Variants in DTNB observed in about 807,000 individuals in gnomAD.
The protein encoded by DTNB is DTN-B.
DTNB carries 63 observed loss-of-function variants against 90.7 expected under a neutral mutation model. The observed-to-expected ratio is 0.69, with a 90% CI of 0.57 to 0.86. DTNB has a LOEUF of 0.86. Ranked by LOEUF, DTNB falls within the 40% of genes least tolerant of loss-of-function variation. The pLI is 0.00. For missense variants in DTNB, 744 were observed against 807.1 expected, an observed-to-expected ratio of 0.92 and a Z score of 0.95; for synonymous variants, 277 against 286.7, an observed-to-expected ratio of 0.97 and a Z score of 0.34.
At chr2:25,552,644 A>G (rs2056504992) in intron 8 of DTNB, among the ~76,000 whole-genome samples, 2 of 152,128 alleles carry the variant, frequency 1.3e-5, no homozygotes, top group African/African-American at 2.4e-5. Context: ...GATTCTTCAG[A>G]GCCTGAGGCC....
rs746352703 is a variant in DTNB, at chr2:25,388,232, C to A, written c.1705G>T (p.Gly569Trp). 12 of 1,593,838 alleles carry A rather than the reference C, an allele frequency of 7.5e-6. No individual in the cohort carries two copies. The Admixed American group carries it at 1.1e-4, about 14-fold the overall frequency. Residue 569 changes from glycine (G) to tryptophan (W), a missense_variant, in exon 17 of 21, where the codon GGG becomes TGG. Transcript: ENST00000406818. ...GCGAAGGCCTCCTGCACGTCTCCCC[C>A]GACTCCGCTCAGCGAGTCCTGCGGA... is the stretch of plus-strand genomic sequence containing the variant. Reference protein sequence around the residue: ...HCPQDSLSGVGGDVQEAFAQG... With the variant: ...HCPQDSLSGVWGDVQEAFAQG...
At chr2:25,565,919 G>A (rs1559051595) in intron 8 of DTNB, among the ~76,000 whole-genome samples, 1 of 152,086 alleles carries the variant, frequency 6.6e-6, no homozygotes, top group Non-Finnish European at 1.5e-5. Context: ...ACTAGTGTAG[G>A]CAGAATTCTG....
At chr2:25,385,871 G>A (rs1248308503) in intron 18 of DTNB, among the ~76,000 whole-genome samples, 9 of 152,148 alleles carry the variant, frequency 5.9e-5, no homozygotes, top group Non-Finnish European at 1.2e-4. Flanking sequence ...CACGATGAAC[G>A]CAGAAGCCAC....
rs79118842 is a variant in DTNB, at chr2:25,627,002, G to T, written c.362+1169C>A. Among the ~76,000 whole-genome samples, 1,070 of 152,278 alleles carry T rather than the reference G, an allele frequency of 7.0e-3. 12 individuals are homozygous for T. The highest frequency in any genetic ancestry group is 0.025 in the African/African-American group (1,034 of 41,536). On this transcript the variant is annotated intron_variant, in intron 4 of 20. Transcript: ENST00000406818. ...TCAATTCTCTACGAATATAAGTGCA[G>T]CAAATCATTTCCGTTTTAATTGGAG...
chr2:25,410,472 G>A (rs558138783), intron 16 of DTNB, among the ~76,000 whole-genome samples: 3 of 152,220 alleles, frequency 2.0e-5, no homozygotes, highest in Non-Finnish European at 4.4e-5. Context: ...AGGACCATCT[G>A]GAAATGAACC....
At chr2:25,629,210 C>A (rs1287392235) in intron 3 of DTNB, among the ~76,000 whole-genome samples, 1 of 152,084 alleles carries the variant, frequency 6.6e-6, no homozygotes, top group East Asian at 1.9e-4. Context: ...AAACCACCAA[C>A]AAAATTCTAC....
At chr2:25,605,776 TTTTC>T (rs561172001) in intron 5 of DTNB, among the ~76,000 whole-genome samples, 113 of 152,306 alleles carry the variant, frequency 7.4e-4, no homozygotes, top group Non-Finnish European at 1.4e-3. Context: ...AGACTACAAC[TTTTC>T]TTTGTGTTTG....
At chr2:25,532,321 G>A (rs1302465684) in intron 8 of DTNB, among the ~76,000 whole-genome samples, 1 of 151,022 alleles carries the variant, frequency 6.6e-6, no homozygotes, top group Non-Finnish European at 1.5e-5. Context: ...GCTTATGGAT[G>A]TTAGCAAATT....
chr2:25,465,909 G>T (rs939394589), intron 10 of DTNB, among the ~76,000 whole-genome samples: 4 of 152,176 alleles, frequency 2.6e-5, no homozygotes, highest in African/African-American at 9.7e-5. Flanking sequence ...CTACATAAAA[G>T]CAGAGACCTA....
intron 7 of DTNB, among the ~76,000 whole-genome samples, chr2:25,580,323 TCAGCCTGGC>T (rs1033317192): frequency 2.6e-5 from 4 of 151,822 alleles, no homozygotes; most frequent in Non-Finnish European, 4.4e-5. Context: ...CTCTGCGAGA[TCAGCCTGGC>T]CAGCATAGTG....
intron 15 of DTNB, among the ~76,000 whole-genome samples, chr2:25,427,227 CTT>C (rs1172049558): frequency 5.1e-5 from 6 of 116,618 alleles, no homozygotes; most frequent in South Asian, 2.6e-4. Context: ...ACACACACTA[CTT>C]TAAGTAGTTG....
At position 25,413,270 on chromosome 2, in the gene DTNB, C is replaced by CT. The variant is rs35325785; in HGVS notation, c.1575+6244dup. ...TTTGCTTTCTTGGGAAATCAGACAC[C>CT]TTTTTTTTTTAATACTTTAAGTTCT... On this transcript the variant is annotated intron_variant, in intron 16 of 20. Coordinates refer to ENST00000406818, the MANE Select transcript of DTNB (RefSeq NM_021907.5). Among the ~76,000 whole-genome samples, 69 of 148,014 alleles carry CT rather than the reference C, an allele frequency of 4.7e-4. 1 individual carries two copies. Among genetic ancestry groups the CT allele is most frequent in the African/African-American group, 8.7e-4 (35 of 40,196 alleles).
chr2:25,600,920 T>C lies in DTNB; in HGVS notation c.449-4680A>G, dbSNP rs73922443. 1.7e-3 allele frequency among the ~76,000 whole-genome samples: 256 copies of C among 152,328 alleles called. 1 individual carries two copies. The highest frequency in any genetic ancestry group is 6.0e-3 in the African/African-American group (248 of 41,570). On this transcript the variant is annotated intron_variant, in intron 5 of 20. Coordinates refer to ENST00000406818, the MANE Select transcript of DTNB (RefSeq NM_021907.5). Reference sequence around the variant, plus strand: ...ATAAGAAACTATAACAGGCCTATATTACAATAAGAGAAGTGGAAACATGTC... The same window carrying C: ...ATAAGAAACTATAACAGGCCTATATCACAATAAGAGAAGTGGAAACATGTC...
chr2:25,568,940 T>A (rs1182011467), intron 8 of DTNB, among the ~76,000 whole-genome samples: 1 of 152,238 alleles, frequency 6.6e-6, no homozygotes, highest in African/African-American at 2.4e-5. Flanking sequence ...GCCTCGGCCA[T>A]GCTCTCCTGG....
At chr2:25,668,406 T>C (rs2085013369) in intron 1 of DTNB, among the ~76,000 whole-genome samples, 1 of 152,230 alleles carries the variant, frequency 6.6e-6, no homozygotes, top group Non-Finnish European at 1.5e-5. Flanking sequence ...ACTATAGCCA[T>C]GTAATGACAT....
intron 3 of DTNB, among the ~76,000 whole-genome samples, chr2:25,637,662 C>T (rs1316295974): frequency 6.6e-6 from 1 of 152,184 alleles, no homozygotes; most frequent in East Asian, 1.9e-4. Flanking sequence ...CAATGAGATA[C>T]CATCTCATGC....
rs149872344 is a variant in DTNB, at chr2:25,449,047, C to G, written c.1257+2501G>C. On this transcript the variant is annotated intron_variant, in intron 12 of 20. Transcript: ENST00000406818. ...TTAGGAGTTGATGATTAACTTATGGCAAAGGATAAGTTAGTTTGCCTATTC... is the reference window on the plus strand; with the variant it reads ...TTAGGAGTTGATGATTAACTTATGGGAAAGGATAAGTTAGTTTGCCTATTC... 7.3e-3 allele frequency among the ~76,000 whole-genome samples: 1,117 copies of G among 152,122 alleles called. 7 individuals carry two copies. The highest frequency in any genetic ancestry group is 0.017 in the Middle Eastern group (5 of 294).
At chr2:25,593,740 C>T (rs2064013546) in intron 6 of DTNB, among the ~76,000 whole-genome samples, 5 of 152,182 alleles carry the variant, frequency 3.3e-5, no homozygotes, top group Admixed American at 3.3e-4. Context: ...ATTTCTTCAA[C>T]ATTTTAAACT....
At position 25,673,467 on chromosome 2, in the gene DTNB, C is replaced by G. The variant is rs1256125194; in HGVS notation, c.-83G>C. On this transcript the variant is annotated 5_prime_UTR_variant, in exon 1 of 21. Coordinates refer to ENST00000406818, the MANE Select transcript of DTNB (RefSeq NM_021907.5). ...TCCTCCGCACGCTCCGGCCCAGCCC[C>G]CTCGGCTGAGGCAGCGGCAGCGCCT... 6.6e-6 allele frequency: 1 copy of G among 151,094 alleles called. No individual in the cohort carries two copies. Among genetic ancestry groups the G allele is most frequent in the Non-Finnish European group, 1.5e-5 (1 of 67,672 alleles). The allele number at this position is 151,094 out of a possible 1,614,324, so 9.4% of individuals were successfully genotyped here.
Sources: gnomAD v4.1 joint callset for allele counts (sites outside exome capture counted in the v4.1 genomes callset) on GRCh38, gnomAD v4.1.1 for gene constraint, MANE v1.5 for transcripts, NCBI Gene and HGNC (gene_info 2026-07-23, HGNC 2026-07-21) for gene names.